The following FGGY variants were observed in gnomAD, a reference collection of about 807,000 sequenced individuals.
The protein encoded by FGGY is FGGY carbohydrate kinase domain-containing protein.
FGGY carries 72 observed loss-of-function variants against 71.3 expected under a neutral mutation model. The ratio of observed to expected loss-of-function variants is 1.01; its 90% CI spans 0.84 to 1.23. The LOEUF is 1.23. Ranked by LOEUF, FGGY falls within the 50% of genes most tolerant of loss-of-function variation. The pLI is 0.00. For missense variants in FGGY, 668 were observed against 682.3 expected (o/e 0.98, Z 0.23); for synonymous variants, 251 against 250.3 (o/e 1.00, Z -0.02).
chr1:59,656,756 A>G (rs1049587957), intron 11 of FGGY, among the ~76,000 whole-genome samples: 4 of 152,214 alleles, frequency 2.6e-5, no homozygotes, highest in African/African-American at 9.6e-5. Flanking sequence ...AATCTCTTCT[A>G]GAATTTCTTC....
intron 15 of FGGY, among the ~76,000 whole-genome samples, chr1:59,760,073 T>A (rs1417342100): frequency 1.3e-5 from 2 of 152,096 alleles, no homozygotes. Context: ...CCAGAATATA[T>A]AAATGTATAA....
At chr1:59,604,698 G>A (rs1438568140) in intron 8 of FGGY, among the ~76,000 whole-genome samples, 1 of 152,210 alleles carries the variant, frequency 6.6e-6, no homozygotes, top group African/African-American at 2.4e-5. Flanking sequence ...ATCTGCCTCA[G>A]TTGAAATCCC....
intron 7 of FGGY, among the ~76,000 whole-genome samples, chr1:59,535,215 A>C (rs904773402): frequency 6.6e-6 from 1 of 151,730 alleles, no homozygotes; most frequent in South Asian, 2.1e-4. Context: ...TAAACCAACA[A>C]AGATCAAAAG....
At chr1:59,509,957 C>T (rs2094479024) in intron 6 of FGGY, among the ~76,000 whole-genome samples, 1 of 151,994 alleles carries the variant, frequency 6.6e-6, no homozygotes, top group African/African-American at 2.4e-5. Context: ...TCCATTTTGA[C>T]CTTCCTATGA....
intron 5 of FGGY, among the ~76,000 whole-genome samples, chr1:59,409,597 T>TA (rs1458652164): frequency 0.013 from 1,082 of 81,640 alleles, 3 homozygotes; most frequent in African/African-American, 0.018. Flanking sequence ...GGAAGAGTTT[T>TA]TTATATATAT....
chr1:59,743,441 T>C (rs766378542), intron 14 of FGGY, among the ~76,000 whole-genome samples: 5 of 152,228 alleles, frequency 3.3e-5, no homozygotes, highest in Non-Finnish European at 7.3e-5. Context: ...CAATAAGTAC[T>C]CAATAAGTAT....
chr1:59,633,710 G>A (rs2096930176), intron 10 of FGGY, among the ~76,000 whole-genome samples: 1 of 152,184 alleles, frequency 6.6e-6, no homozygotes, highest in South Asian at 2.1e-4. Context: ...TTGAAGAGTG[G>A]TTGGATACTT....
intron 14 of FGGY, among the ~76,000 whole-genome samples, chr1:59,726,767 A>C (rs2097952931): frequency 6.6e-6 from 1 of 152,054 alleles, no homozygotes; most frequent in Non-Finnish European, 1.5e-5. Context: ...AAGGTTTGTC[A>C]GTTTTATTGC....
intron 14 of FGGY, among the ~76,000 whole-genome samples, chr1:59,696,006 G>A (rs2097655081): frequency 6.6e-6 from 1 of 152,002 alleles, no homozygotes; most frequent in Admixed American, 6.6e-5. Flanking sequence ...TGGAAGTGTT[G>A]CCATCTATGA....
intron 5 of FGGY, among the ~76,000 whole-genome samples, chr1:59,444,447 T>A (rs779668864): frequency 3.3e-5 from 5 of 152,140 alleles, no homozygotes; most frequent in Non-Finnish European, 7.4e-5. Context: ...AGAAACTGTA[T>A]AATACATTAT....
intron 14 of FGGY, among the ~76,000 whole-genome samples, chr1:59,753,909 T>C (rs1350216467): frequency 6.6e-6 from 1 of 152,194 alleles, no homozygotes; most frequent in African/African-American, 2.4e-5. Context: ...GTCACTTAGA[T>C]AATATAACCT....
At chr1:59,721,135 TTC>T (rs1241865360) in intron 14 of FGGY, among the ~76,000 whole-genome samples, 1 of 152,154 alleles carries the variant, frequency 6.6e-6, no homozygotes, top group Non-Finnish European at 1.5e-5. Flanking sequence ...ACGCCTACCA[TTC>T]TCTGTCCCCC....
intron 10 of FGGY, among the ~76,000 whole-genome samples, chr1:59,630,797 T>A (rs2096901271): frequency 6.6e-6 from 1 of 152,200 alleles, no homozygotes; most frequent in Non-Finnish European, 1.5e-5. Flanking sequence ...CTTACAGAAC[T>A]CAGTGATGGA....
rs543265653 is a variant in FGGY at position 59,423,884 on chromosome 1, G to T, written c.555-33077G>T. ...TCCTACTCCTTCATGAAGCCTTTCA[G>T]CAGTTTCTTTCTTAGCACAACTCTA... On this transcript the variant is annotated intron_variant, in intron 5 of 15. Transcript: ENST00000303721. Among the ~76,000 whole-genome samples the T allele has an allele frequency of 2.0e-5, 3 of 152,312 alleles. No homozygotes were observed. The South Asian group carries it at 6.2e-4, about 32-fold the overall frequency.
chr1:59,698,968 C>T, intron 14 of FGGY: 1 of 985,138 alleles, frequency 1.0e-6, no homozygotes, highest in South Asian at 4.7e-5. Context: ...ATCAAGCTGC[C>T]AAATCTAAAT....
rs1333586498 is a variant in FGGY, at chr1:59,346,248, G to A, written c.315G>A (p.Gly105=). ...GCATCTCCCTCTCGTTTCTGCTAGG[G>A]GATTCCCATCGAAACGTCATCATGT... ...QFHPLPVNQE[G]DSHRNVIMWL... is the part of the protein sequence containing the mutation. The change falls in exon 4 of 16, where the codon GGG becomes GGA. Residue 105 remains glycine, a splice_region_variant and synonymous_variant. Transcript: ENST00000303721. 1 of 1,612,690 alleles carries A rather than the reference G, an allele frequency of 6.2e-7. No individual in the cohort carries two copies. The highest frequency in any genetic ancestry group is 1.3e-5 in the African/African-American group (1 of 74,850).
Position 59,411,656 on chromosome 1 carries a change from A to G in FGGY, c.554+32819A>G, listed in dbSNP as rs115213865. 3.7e-3 allele frequency among the ~76,000 whole-genome samples: 570 copies of G among 152,272 alleles called. 4 individuals carry two copies. Among genetic ancestry groups the G allele is most frequent in the African/African-American group, 0.013 (533 of 41,546 alleles). ...GTAGGTGGCTTTATCCTCGCCACAC[A>G]CTTATTTATTCATTCAGTTGTTTAT... On this transcript the variant is annotated intron_variant, in intron 5 of 15. Transcript: ENST00000303721.
chr1:59,445,181 C>T (rs1039489976), intron 5 of FGGY, among the ~76,000 whole-genome samples: 2 of 152,112 alleles, frequency 1.3e-5, no homozygotes. Context: ...TCTTTTGCTC[C>T]TTTTCTTCAT....
intron 2 of FGGY, 109 bp downstream of exon 2, chr1:59,321,859 A>G: frequency 1.8e-6 from 2 of 1,082,306 alleles, no homozygotes; most frequent in South Asian, 1.5e-5. Flanking sequence ...TGCAGAGGTA[A>G]GCAAGACATA....
Sources: gnomAD v4.1 joint callset for allele counts (sites outside exome capture counted in the v4.1 genomes callset) on GRCh38, gnomAD v4.1.1 for gene constraint, MANE v1.5 for transcripts, NCBI Gene and HGNC (gene_info 2026-07-23, HGNC 2026-07-21) for gene names.